GLI2: variants seen among roughly 807,000 people sequenced by gnomAD.
GLI2 encodes the protein transcription activator GLI2.
A neutral mutation model predicts 78.9 loss-of-function variants in GLI2; 22 were observed. That is an observed-to-expected ratio of 0.28 (90% confidence interval 0.20 to 0.40). The LOEUF (loss-of-function observed/expected upper bound fraction) is 0.40, where lower values mean the gene tolerates loss of function less well. Among genes scored for constraint, GLI2 ranks in the 10% least tolerant of loss-of-function variants. The pLI is 1.00. For synonymous variants in GLI2, 974 were observed against 963.7 expected (o/e 1.01, Z -0.20); for missense variants, 2,097 against 2,213.2 (o/e 0.95, Z 1.05).
chr2:120,828,200 C>CT (rs1277726189), intron 2 of GLI2, among the ~76,000 whole-genome samples: 5 of 152,212 alleles, frequency 3.3e-5, no homozygotes, highest in Non-Finnish European at 5.9e-5. Flanking sequence ...TCAGTGCCCT[C>CT]TTTATGCATG....
chr2:120,924,013 G>A (rs1318243313), intron 2 of GLI2, among the ~76,000 whole-genome samples: 1 of 152,190 alleles, frequency 6.6e-6, no homozygotes, highest in African/African-American at 2.4e-5. Flanking sequence ...CCTGAATCCT[G>A]AGCAGAGCAT....
chr2:120,963,768 G>A (rs1355884279), intron 5 of GLI2, among the ~76,000 whole-genome samples: 2 of 152,232 alleles, frequency 1.3e-5, no homozygotes, highest in Non-Finnish European at 2.9e-5. Flanking sequence ...CTGTACCTTG[G>A]GCAAGTTACT....
In GLI2 at chr2:120,800,935, G is replaced by T. The variant is rs2104704589; in HGVS notation, c.148+3467G>T. Among the ~76,000 whole-genome samples, 1 of 152,338 alleles carries T rather than the reference G, an allele frequency of 6.6e-6. No individual in the cohort carries two copies. The highest frequency in any genetic ancestry group is 2.1e-4 in the South Asian group (1 of 4,824). Reference sequence around the variant, plus strand: ...AGGAAACAGCCAAATCCTGCAAGCTGTCAGGGGCTGTTTCCTGGCATCTGT... The same window carrying T: ...AGGAAACAGCCAAATCCTGCAAGCTTTCAGGGGCTGTTTCCTGGCATCTGT... On this transcript the variant is annotated intron_variant, in intron 2 of 13. Transcript: ENST00000361492. This position sits in a 1 kb window ranked among gnomAD's most constrained non-coding sequence, Gnocchi z 4.1.
intron 5 of GLI2, among the ~76,000 whole-genome samples, chr2:120,967,207 G>C (rs1020004616): frequency 5.9e-5 from 9 of 152,236 alleles, no homozygotes; most frequent in Non-Finnish European, 7.3e-5. Flanking sequence ...AGCGGGACAT[G>C]AGAAGAGGCT....
rs940695624 is a variant in GLI2 at position 120,992,279 on chromosome 2, T to C, written c.*1604T>C. ...ACATTGCTAAGGGTCTGTGGCTCTG[T>C]GGTGGTGTTCATCGCCTTCCTGAGA... On this transcript the variant is annotated 3_prime_UTR_variant, in exon 14 of 14. Transcript: ENST00000361492. 35 of 152,354 alleles carry C rather than the reference T, an allele frequency of 2.3e-4. No individual in the cohort carries two copies. Among genetic ancestry groups the C allele is most frequent in the African/African-American group, 5.3e-4 (22 of 41,408 alleles). 9.4% of individuals were successfully genotyped at this position (152,354 alleles called of 1,614,324 possible).
At chr2:120,828,046 A>G (rs1333969107) in intron 2 of GLI2, among the ~76,000 whole-genome samples, 2 of 152,242 alleles carry the variant, frequency 1.3e-5, no homozygotes, top group Non-Finnish European at 2.9e-5. Context: ...TATGTTTTGT[A>G]TATTTTCCTG....
rs1254884833 is a variant in GLI2, at chr2:120,992,430, A to G, written c.*1755A>G. 6.6e-6 allele frequency: 1 copy of G among 152,246 alleles called. No homozygotes were observed. Among genetic ancestry groups the G allele is most frequent in the East Asian group, 1.9e-4 (1 of 5,200 alleles). 9.4% of individuals were successfully genotyped at this position (152,246 alleles called of 1,614,324 possible). A position where few individuals can be genotyped will look rare whatever the true frequency, so the allele number is the denominator to read the frequency against. On this transcript the variant is annotated 3_prime_UTR_variant, in exon 14 of 14. Coordinates refer to ENST00000361492, the MANE Select transcript of GLI2 (RefSeq NM_001374353.1). ...ACATTTTTAGCTTTTTCTACATGCT[A>G]TGAATTGAGATGACATGCTCAACTT...
intron 2 of GLI2, among the ~76,000 whole-genome samples, chr2:120,909,281 C>G (rs1678694042): frequency 6.6e-6 from 1 of 152,026 alleles, no homozygotes; most frequent in South Asian, 2.1e-4. Context: ...GCCCTGCAGC[C>G]TCTTCTCAAA....
intron 2 of GLI2, among the ~76,000 whole-genome samples, chr2:120,890,028 A>G (rs1677602203): frequency 6.6e-6 from 1 of 152,216 alleles, no homozygotes; most frequent in South Asian, 2.1e-4. Context: ...TAACAGTTTT[A>G]TTTGTGATGT....
At chr2:120,982,502 A>C (rs1174216680) in intron 10 of GLI2, among the ~76,000 whole-genome samples, 1 of 152,212 alleles carries the variant, frequency 6.6e-6, no homozygotes, top group African/African-American at 2.4e-5. Context: ...CAGCAGTAGC[A>C]GCCCCTGGGC....
intron 2 of GLI2, among the ~76,000 whole-genome samples, chr2:120,835,520 G>C (rs567514378): frequency 6.6e-6 from 1 of 151,976 alleles, no homozygotes; most frequent in South Asian, 2.1e-4. Context: ...TGAGTAGCTA[G>C]GATTATAGGC....
At chr2:120,836,112 C>A (rs538861612) in intron 2 of GLI2, among the ~76,000 whole-genome samples, 48 of 152,074 alleles carry the variant, frequency 3.2e-4, no homozygotes, top group Non-Finnish European at 3.5e-4. Context: ...ATCCCATGGC[C>A]CCCCCATCTG....
intron 2 of GLI2, among the ~76,000 whole-genome samples, chr2:120,846,691 G>C (rs1687132450): frequency 6.6e-6 from 1 of 152,248 alleles, no homozygotes; most frequent in Non-Finnish European, 1.5e-5. Context: ...CCATGGCTCA[G>C]GCATGGAGCT....
rs9308617 is a variant in GLI2, at chr2:120,750,300, T to C, written c.-31+14015T>C. 1.8e-3 allele frequency among the ~76,000 whole-genome samples: 280 copies of C among 152,350 alleles called. 2 individuals are homozygous for C. Among genetic ancestry groups the C allele is most frequent in the African/African-American group, 6.3e-3 (260 of 41,580 alleles). ...CAAGTTTGGGTGCTGCACTTCCGCA[T>C]AAGCCAGCAGGGCATCAGTTTGGCC... On this transcript the variant is annotated intron_variant, in intron 1 of 13. Coordinates refer to ENST00000361492, the MANE Select transcript of GLI2 (RefSeq NM_001374353.1).
intron 1 of GLI2, among the ~76,000 whole-genome samples, chr2:120,745,237 T>G (rs892396100): frequency 6.6e-6 from 1 of 152,182 alleles, no homozygotes. Context: ...CAAGTGTCCC[T>G]GGGATGCCTC....
rs1214617362 is a variant in GLI2, at chr2:120,988,699, G to T, written c.2734G>T (p.Ala912Ser). ...GGACGCGCCCGAGCGCACGCTGCCC[G>T]CCGGCTGCCCACGCCCACTGGGGCC... The part of the protein sequence containing the change: ...LLDAPERTLP[A>S]GCPRPLGPRR... The change falls in exon 14 of 14, where the codon GCC becomes TCC. Residue 912 changes from alanine (A) to serine (S), a missense_variant. Around this residue, in one of 5 missense-constraint regions of GLI2, gnomAD observed 1,290 missense variants for 1,261.7 expected, o/e 1.02. Coordinates refer to ENST00000361492, the MANE Select transcript of GLI2 (RefSeq NM_001374353.1). 5 of 1,249,384 alleles carry T rather than the reference G, an allele frequency of 4.0e-6. No homozygotes were observed. The Admixed American group carries it at 1.2e-4, about 31-fold the overall frequency. 77.4% of individuals were successfully genotyped at this position (1,249,384 alleles called of 1,614,324 possible).
At position 120,984,589 on chromosome 2, in the gene GLI2, A is replaced by G. The variant is rs61732851; in HGVS notation, c.1751A>G (p.Asn584Ser). 666 of 1,614,216 alleles carry G rather than the reference A, an allele frequency of 4.1e-4. 2 individuals carry two copies. The African/African-American group carries it at 8.2e-3, about 20-fold the overall frequency. ...GCCCACGTCACCAAGAAGCAGCGCAATGACGTGCACCTCCGCACACCGCTG... is the reference window on the plus strand; with the variant it reads ...GCCCACGTCACCAAGAAGCAGCGCAGTGACGTGCACCTCCGCACACCGCTG... ...PDAHVTKKQR[N>S]DVHLRTPLLK... The change falls in exon 12 of 14, where the codon AAT (asparagine) becomes AGT (serine). Residue 584 changes from asparagine (N) to serine (S), a missense_variant. Around this residue, in one of 5 missense-constraint regions of GLI2, gnomAD observed 57 missense variants for 44.5 expected, o/e 1.28. Coordinates refer to ENST00000361492, the MANE Select transcript of GLI2 (RefSeq NM_001374353.1).
chr2:120,911,094 G>C (rs1678794033), intron 2 of GLI2, among the ~76,000 whole-genome samples: 1 of 152,178 alleles, frequency 6.6e-6, no homozygotes, highest in Non-Finnish European at 1.5e-5. Context: ...GTCGGGCAAA[G>C]ACTGGGACCT....
In GLI2 at chr2:120,971,299, A is replaced by G. The variant is rs371093599; in HGVS notation, c.1060-642A>G. Among the ~76,000 whole-genome samples the G allele has an allele frequency of 1.7e-4, 26 of 152,356 alleles. No homozygotes were observed. In the South Asian group the frequency reaches 4.8e-3, roughly 28 times the overall value. ...ATAGGCTCTGATCCTGGGAGCACTGACAACGACAATGCCAGAGGTGAAGGG... is the reference window on the plus strand; with the variant it reads ...ATAGGCTCTGATCCTGGGAGCACTGGCAACGACAATGCCAGAGGTGAAGGG... On this transcript the variant is annotated intron_variant, in intron 7 of 13. Transcript: ENST00000361492.
Sources: gnomAD v4.1 joint callset for allele counts (sites outside exome capture counted in the v4.1 genomes callset) on GRCh38, gnomAD v4.1.1 for gene constraint, gnomAD v4.1.1 regional missense constraint, Gnocchi (gnomAD v3.1) non-coding constraint, MANE v1.5 for transcripts, NCBI Gene and HGNC (gene_info 2026-07-23, HGNC 2026-07-21) for gene names.